Variants in FAM133B observed in about 807,000 individuals in gnomAD.
FAM133B encodes family with sequence similarity 133 member B.
A neutral mutation model predicts 46.4 loss-of-function variants in FAM133B; 25 were observed. The ratio of observed to expected loss-of-function variants is 0.54; its 90% CI spans 0.39 to 0.75. FAM133B has a LOEUF of 0.75. FAM133B is among the 30% of genes least tolerant of loss of function. FAM133B has a pLI of 0.00. For missense variants in FAM133B, 205 were observed against 277.6 expected (o/e 0.74, Z 1.86); for synonymous variants, 75 against 86.0 (o/e 0.87, Z 0.71).
chr7:92,580,325 C>T (rs1195790592), intron 2 of FAM133B, among the ~76,000 whole-genome samples: 1 of 152,048 alleles, frequency 6.6e-6, no homozygotes, highest in Non-Finnish European at 1.5e-5. Context: ...AAACTCCTGG[C>T]CTCAAGCAAT....
chr7:92,583,680 G>C (rs1794953841), intron 1 of FAM133B, among the ~76,000 whole-genome samples: 1 of 152,018 alleles, frequency 6.6e-6, no homozygotes, highest in African/African-American at 2.4e-5. Context: ...CTTTAATTCA[G>C]TCTCTACCTC....
Position 92,562,124 on chromosome 7 carries a change from T to C in FAM133B, c.*158A>G. 2 of 766,878 alleles carry C rather than the reference T, an allele frequency of 2.6e-6. No homozygotes were observed. Among genetic ancestry groups the C allele is most frequent in the East Asian group, 2.9e-5 (1 of 34,070 alleles). 47.5% of individuals were successfully genotyped at this position (766,878 alleles called of 1,614,324 possible). Reference sequence around the variant, plus strand: ...AAGCAGCAGGCAACATTTATGGCCCTTTCACACAGTGGCATCTGAGTGGCT... The same window carrying C: ...AAGCAGCAGGCAACATTTATGGCCCCTTCACACAGTGGCATCTGAGTGGCT... On this transcript the variant is annotated 3_prime_UTR_variant, in exon 11 of 11. Coordinates refer to ENST00000445716, the MANE Select transcript of FAM133B (RefSeq NM_152789.4).
chr7:92,568,418 C>T (rs998590641), intron 9 of FAM133B, among the ~76,000 whole-genome samples: 2 of 151,976 alleles, frequency 1.3e-5, no homozygotes, highest in African/African-American at 4.8e-5. Context: ...AGTGTGATGG[C>T]ACAATCTTGG....
At chr7:92,567,772 T>A (rs1794402725) in intron 9 of FAM133B, among the ~76,000 whole-genome samples, 1 of 150,318 alleles carries the variant, frequency 6.7e-6, no homozygotes, top group Non-Finnish European at 1.5e-5. Context: ...AAACTAAAAT[T>A]TTTTTTTTTT....
At chr7:92,571,297 TTG>T (rs1398787056) in intron 8 of FAM133B, among the ~76,000 whole-genome samples, 5 of 152,160 alleles carry the variant, frequency 3.3e-5, no homozygotes, top group African/African-American at 1.2e-4. Context: ...AGAATACAGT[TTG>T]TGTTTTCTTT....
In FAM133B at chr7:92,588,813, C is replaced by T. The variant is rs558658890; in HGVS notation, c.24+1455G>A. On this transcript the variant is annotated intron_variant, in intron 1 of 10. Coordinates refer to ENST00000445716, the MANE Select transcript of FAM133B (RefSeq NM_152789.4). Reference sequence around the variant, plus strand: ...TTGTTTAAAACTGTGTAGCAACTCTCCCCGTCCCTCTCTTGGTCCCGCTCC... The same window carrying T: ...TTGTTTAAAACTGTGTAGCAACTCTTCCCGTCCCTCTCTTGGTCCCGCTCC... Among the ~76,000 whole-genome samples the T allele has an allele frequency of 2.0e-5, 3 of 152,188 alleles. No homozygotes were observed. In the South Asian group the frequency reaches 6.2e-4, roughly 32 times the overall value.
chr7:92,584,812 T>C (rs1204946796), intron 1 of FAM133B, among the ~76,000 whole-genome samples: 1 of 152,152 alleles, frequency 6.6e-6, no homozygotes, highest in Non-Finnish European at 1.5e-5. Context: ...AACAGGAGTA[T>C]TATTTGTACT....
At position 92,561,141 on chromosome 7, in the gene FAM133B, A is replaced by C. The variant is rs1236860211; in HGVS notation, c.*1141T>G. On this transcript the variant is annotated 3_prime_UTR_variant, in exon 11 of 11. Transcript: ENST00000445716. Reference sequence around the variant, plus strand: ...CATTTACTAAGATTCTGGCAATAAGACACAGCATACCAGGCTTGCCACTCA... The same window carrying C: ...CATTTACTAAGATTCTGGCAATAAGCCACAGCATACCAGGCTTGCCACTCA... 6.6e-6 allele frequency: 1 copy of C among 151,326 alleles called. No individual in the cohort carries two copies. Among genetic ancestry groups the C allele is most frequent in the African/African-American group, 2.4e-5 (1 of 41,020 alleles). 9.4% of individuals were successfully genotyped at this position (151,326 alleles called of 1,614,324 possible).
chr7:92,588,598 CAA>C (rs1347920391), intron 1 of FAM133B, among the ~76,000 whole-genome samples: 1 of 152,166 alleles, frequency 6.6e-6, no homozygotes, highest in African/African-American at 2.4e-5. Flanking sequence ...TACAGAACTA[CAA>C]AGTTTTTAAG....
Position 92,575,840 on chromosome 7 carries a change from G to C in FAM133B, c.466-19C>G, listed in dbSNP as rs1262610036. The C allele has an allele frequency of 1.7e-6, 2 of 1,146,708 alleles. No individual in the cohort carries two copies. Among genetic ancestry groups the C allele is most frequent in the Non-Finnish European group, 2.6e-6 (2 of 780,262 alleles). The allele number at this position is 1,146,708 out of a possible 1,614,324, so 71.0% of individuals were successfully genotyped here. On this transcript the variant is annotated intron_variant, in intron 7 of 10. Transcript: ENST00000445716. ...AACTATCCTAAACAAAGAAATATATGTATCAATTTTAAATGCCAAGGACAC... is the reference window on the plus strand; with the variant it reads ...AACTATCCTAAACAAAGAAATATATCTATCAATTTTAAATGCCAAGGACAC...
intron 1 of FAM133B, 83 bp from the exon 2 acceptor site, chr7:92,581,686 A>G: frequency 1.0e-6 from 1 of 1,000,754 alleles, no homozygotes; most frequent in African/African-American, 1.6e-5. Context: ...AATCTTTACT[A>G]TAAATGCATA....
chr7:92,573,702 C>A (rs1168567422), intron 8 of FAM133B, among the ~76,000 whole-genome samples: 1 of 151,136 alleles, frequency 6.6e-6, no homozygotes, highest in Admixed American at 6.6e-5. Context: ...ATTTTATAAT[C>A]GTTCTGAAAA....
At chr7:92,586,086 C>A (rs540921766) in intron 1 of FAM133B, among the ~76,000 whole-genome samples, 2 of 152,264 alleles carry the variant, frequency 1.3e-5, no homozygotes, top group Admixed American at 1.3e-4. Context: ...AAAGTACATA[C>A]CAACCTATTC....
chr7:92,589,935 G>C (rs1280925775), intron 1 of FAM133B: 3 of 425,164 alleles, frequency 7.1e-6, no homozygotes, highest in Non-Finnish European at 1.3e-5. Context: ...ACATGGCGGG[G>C]CCAGGTGTGG....
At chr7:92,575,965 G>T (rs1017258478) in intron 7 of FAM133B, 144 bp from the exon 8 acceptor site, 6 of 398,608 alleles carry the variant, frequency 1.5e-5, no homozygotes, top group African/African-American at 1.0e-4. Flanking sequence ...AAATTTAAGA[G>T]AAATATAAGT....
At chr7:92,577,557 A>T in intron 6 of FAM133B, 98 bp downstream of exon 6, 1 of 1,012,620 alleles carries the variant, frequency 9.9e-7, no homozygotes, top group African/African-American at 1.7e-5. Context: ...CAAAACCTGG[A>T]AGTCAACATT....
intron 10 of FAM133B, among the ~76,000 whole-genome samples, chr7:92,564,344 TCA>T (rs1429367862): frequency 1.3e-5 from 2 of 152,230 alleles, no homozygotes; most frequent in African/African-American, 4.8e-5. Context: ...TTCTTCTATC[TCA>T]TACTCTTTTG....
chr7:92,581,997 C>T (rs1585313417), intron 1 of FAM133B, among the ~76,000 whole-genome samples: 1 of 152,132 alleles, frequency 6.6e-6, no homozygotes, highest in East Asian at 1.9e-4. Flanking sequence ...GCCTGTAACC[C>T]CAGCACTTTG....
intron 1 of FAM133B, 188 bp from the exon 2 acceptor site, chr7:92,581,791 AAATTGT>A (rs1794880923): frequency 2.1e-6 from 1 of 477,448 alleles, no homozygotes. Context: ...GTTTGGGAGA[AAATTGT>A]GTGTGTGTGT....
Sources: gnomAD v4.1 joint callset for allele counts (sites outside exome capture counted in the v4.1 genomes callset) on GRCh38, gnomAD v4.1.1 for gene constraint, MANE v1.5 for transcripts, NCBI Gene and HGNC (gene_info 2026-07-23, HGNC 2026-07-21) for gene names.